ALDH18A1: variants seen among roughly 807,000 people sequenced by gnomAD.
The protein encoded by ALDH18A1 is delta-1-pyrroline-5-carboxylate synthase.
Under a neutral mutation model 88.8 loss-of-function variants are expected in ALDH18A1, and 44 were observed. The ratio of observed to expected loss-of-function variants is 0.50; its 90% CI spans 0.39 to 0.64. The LOEUF is 0.64. Among genes scored for constraint, ALDH18A1 ranks in the 30% least tolerant of loss-of-function variants. The pLI is 0.00. For synonymous variants in ALDH18A1, 331 were observed against 372.1 expected (o/e 0.89, Z 1.27); for missense variants, 782 against 1,009.5 (o/e 0.77, Z 3.05).
At position 95,646,400 on chromosome 10, in the gene ALDH18A1, G is replaced by C. The variant is rs571424665; in HGVS notation, c.89-3194C>G. 9.2e-4 allele frequency among the ~76,000 whole-genome samples: 140 copies of C among 152,270 alleles called. 1 individual carries two copies. The highest frequency in any genetic ancestry group is 3.2e-3 in the African/African-American group (132 of 41,540). On this transcript the variant is annotated intron_variant, in intron 2 of 17. Transcript: ENST00000371224. Reference sequence around the variant, plus strand: ...AGGTAGTCAAGGGTCATTCTGGCTGGAGACAATAGGGTAACAGCAGTAGAT... The same window carrying C: ...AGGTAGTCAAGGGTCATTCTGGCTGCAGACAATAGGGTAACAGCAGTAGAT...
chr10:95,616,343 C>T (rs2097844115), intron 13 of ALDH18A1, 134 bp downstream of exon 13: 3 of 1,284,228 alleles, frequency 2.3e-6, no homozygotes, highest in Admixed American at 4.1e-5. Flanking sequence ...AGTCTGAAGG[C>T]TCACAGGCCT....
chr10:95,632,863 C>T, intron 7 of ALDH18A1, 96 bp downstream of exon 7: 3 of 1,077,518 alleles, frequency 2.8e-6, no homozygotes, highest in Non-Finnish European at 4.2e-6. Flanking sequence ...AGCAAAAAAA[C>T]ATCAGAGGGA....
chr10:95,616,393 T>C (rs752414719), intron 13 of ALDH18A1, 84 bp downstream of exon 13: 19 of 1,525,876 alleles, frequency 1.2e-5, no homozygotes, highest in Non-Finnish European at 1.7e-5. Flanking sequence ...GTCTTGGCTC[T>C]GTGTGGCCTA....
intron 15 of ALDH18A1, among the ~76,000 whole-genome samples, chr10:95,612,287 A>T (rs1457935414): frequency 2.0e-5 from 3 of 152,210 alleles, no homozygotes; most frequent in African/African-American, 7.2e-5. Flanking sequence ...GGTTCAGCTC[A>T]GCCCCAGGCT....
chr10:95,653,345 C>G lies in ALDH18A1; in HGVS notation c.33G>C (p.Gln11His), dbSNP rs2097913334. ...AGGGCAGAAGATGTTGGTTGAAGGG[C>G]TGGAACCCACAGCGGTAAACTTGAC... is the stretch of plus-strand genomic sequence containing the variant. Reference protein sequence around the residue: MLSQVYRCGFQPFNQHLLPWV... With the variant: MLSQVYRCGFHPFNQHLLPWV... The change falls in exon 2 of 18, where the codon CAG becomes CAC. Residue 11 changes from glutamine to histidine, a missense_variant. Transcript: ENST00000371224. The G allele has an allele frequency of 3.1e-6, 5 of 1,612,984 alleles. No homozygotes were observed. The highest frequency in any genetic ancestry group is 3.4e-6 in the Non-Finnish European group (4 of 1,179,878).
At chr10:95,619,933 C>A (rs1310943559) in intron 12 of ALDH18A1, among the ~76,000 whole-genome samples, 1 of 152,138 alleles carries the variant, frequency 6.6e-6, no homozygotes, top group Non-Finnish European at 1.5e-5. Context: ...CCAAAATAGA[C>A]AAATGGGATC....
At chr10:95,654,469 A>T (rs964233286) in intron 1 of ALDH18A1, among the ~76,000 whole-genome samples, 1 of 152,100 alleles carries the variant, frequency 6.6e-6, no homozygotes, top group Non-Finnish European at 1.5e-5. Context: ...TATTTTCACA[A>T]GGTAAGAAAA....
chr10:95,614,725 G>A (rs1382804198), intron 13 of ALDH18A1, among the ~76,000 whole-genome samples: 1 of 152,020 alleles, frequency 6.6e-6, no homozygotes, highest in Non-Finnish European at 1.5e-5. Flanking sequence ...TGAGATTATG[G>A]GCATTTTGTT....
intron 2 of ALDH18A1, among the ~76,000 whole-genome samples, chr10:95,645,392 T>C (rs1248756960): frequency 6.6e-6 from 1 of 152,248 alleles, no homozygotes; most frequent in African/African-American, 2.4e-5. Context: ...CTTCCCTTTA[T>C]ATTGTCTGTC....
At position 95,643,155 on chromosome 10, in the gene ALDH18A1, G is replaced by C; in HGVS notation, c.140C>G (p.Pro47Arg). 6.2e-7 allele frequency: 1 copy of C among 1,614,194 alleles called. No individual in the cohort carries two copies. Among genetic ancestry groups the C allele is most frequent in the Non-Finnish European group, 8.5e-7 (1 of 1,180,042 alleles). The change falls in exon 3 of 18, where the codon CCG (proline) becomes CGG (arginine). Residue 47 changes from proline (P) to arginine (R), a missense_variant. Coordinates refer to ENST00000371224, the MANE Select transcript of ALDH18A1 (RefSeq NM_002860.4). The stretch of plus-strand genomic sequence containing the variant: ...ACGACTGAGGGGTACAGTGATAAAC[G>C]GGATGTTGCTCCAAGAACGAACATG... Reference protein sequence around the residue: ...IRHVRSWSNIPFITVPLSRTH... With the variant: ...IRHVRSWSNIRFITVPLSRTH...
Position 95,633,062 on chromosome 10 carries a change from T to A in ALDH18A1, c.718-13A>T, listed in dbSNP as rs772341714. 9.3e-6 allele frequency: 15 copies of A among 1,608,614 alleles called. No homozygotes were observed. The South Asian group carries it at 1.6e-4, about 18-fold the overall frequency. On this transcript the variant is annotated splice_polypyrimidine_tract_variant and intron_variant, in intron 6 of 17. Transcript: ENST00000371224. ...TAACACTAATAACCTAGAATGCAGA[T>A]TAAAAAGTCATAAGTGAGTGAGCTA...
intron 2 of ALDH18A1, among the ~76,000 whole-genome samples, chr10:95,646,542 T>C (rs1331610726): frequency 1.3e-5 from 2 of 152,044 alleles, no homozygotes; most frequent in Non-Finnish European, 2.9e-5. Context: ...TCAGGGCTTG[T>C]TGGGTTTCCT....
rs1354175785 is a variant in ALDH18A1, at chr10:95,625,513, CCA to C, written c.1153-60_1153-59del. The stretch of plus-strand genomic sequence containing the variant: ...GATGTTAATCCAAGAAGAATGCACA[CCA>C]CAGTTTTTAAACCTACTCTTCTGAG... On this transcript the variant is annotated intron_variant, in intron 10 of 17. Coordinates refer to ENST00000371224, the MANE Select transcript of ALDH18A1 (RefSeq NM_002860.4). 4.8e-6 allele frequency: 7 copies of C among 1,451,504 alleles called. No homozygotes were observed. The East Asian group carries it at 9.1e-5, about 19-fold the overall frequency. The allele number at this position is 1,451,504 out of a possible 1,614,324, so 89.9% of individuals were successfully genotyped here. A position where few individuals can be genotyped will look rare whatever the true frequency, so the allele number is the denominator to read the frequency against.
At chr10:95,629,338 C>A (rs1437241661) in intron 7 of ALDH18A1, among the ~76,000 whole-genome samples, 1 of 152,110 alleles carries the variant, frequency 6.6e-6, no homozygotes, top group Non-Finnish European at 1.5e-5. Flanking sequence ...ACTGCTTTTC[C>A]TGTGCTATAA....
rs1445597276 is a variant in ALDH18A1 at position 95,628,384 on chromosome 10, C to A, written c.917G>T (p.Gly306Val). ...GATTCTTACCTTGGCTTCCATGCCA[C>A]CCATTCCCACTCTAGACTTGGTTCC... is the stretch of plus-strand genomic sequence containing the variant. ...TFGTKSRVGM[G>V]GMEAKVKAAL... The change falls in exon 8 of 18, where the codon GGT becomes GTT. Residue 306 changes from glycine to valine, a missense_variant. Physicochemically the swap from Gly to Val is moderately radical, Grantham distance 109 (BLOSUM62 -3). This residue lies in a region of ALDH18A1 where 556 missense variants were observed against 654.5 expected (regional missense o/e 0.85). Transcript: ENST00000371224. 21 of 1,614,046 alleles carry A rather than the reference C, an allele frequency of 1.3e-5. No homozygotes were observed. The highest frequency in any genetic ancestry group is 1.7e-5 in the Non-Finnish European group (20 of 1,180,006).
At chr10:95,640,900 ACTCACCTAGT>A (rs2097890117) in intron 3 of ALDH18A1, among the ~76,000 whole-genome samples, 1 of 152,082 alleles carries the variant, frequency 6.6e-6, no homozygotes, top group African/African-American at 2.4e-5. Context: ...CTGAACTCCA[ACTCACCTAGT>A]TGGCTTCAGA....
chr10:95,656,261 G>A (rs1376894685), intron 1 of ALDH18A1, among the ~76,000 whole-genome samples: 2 of 152,236 alleles, frequency 1.3e-5, no homozygotes, highest in Admixed American at 1.3e-4. Context: ...GCGGATGCCT[G>A]AAGTCTCCAC....
intron 2 of ALDH18A1, among the ~76,000 whole-genome samples, chr10:95,650,227 T>C (rs1333199106): frequency 2.0e-5 from 3 of 152,192 alleles, no homozygotes; most frequent in Non-Finnish European, 2.9e-5. Context: ...AGCTGATAAA[T>C]TTGACGTCAT....
Position 95,614,113 on chromosome 10 carries a change from T to C in ALDH18A1, c.1654A>G (p.Ile552Val). The C allele has an allele frequency of 6.2e-7, 1 of 1,614,226 alleles. No individual in the cohort carries two copies. The highest frequency in any genetic ancestry group is 8.5e-7 in the Non-Finnish European group (1 of 1,180,038). ...VEDLCRLDKM[I>V]DLIIPRGSSQ... is the part of the protein sequence containing the mutation. ...GAGCCACGTGGAATGATCAGATCTA[T>C]CATTTTGTCTAGGCGGCAAAGATCT... The change falls in exon 14 of 18, where the codon ATA becomes GTA. Residue 552 changes from isoleucine to valine, a missense_variant. Ile to Val is a conservative substitution (Grantham distance 29, BLOSUM62 3). Around this residue, in one of 3 missense-constraint regions of ALDH18A1, gnomAD observed 556 missense variants for 654.5 expected, o/e 0.85. Coordinates refer to ENST00000371224, the MANE Select transcript of ALDH18A1 (RefSeq NM_002860.4).
Sources: gnomAD v4.1 joint callset for allele counts (sites outside exome capture counted in the v4.1 genomes callset) on GRCh38, gnomAD v4.1.1 for gene constraint, gnomAD v4.1.1 regional missense constraint, MANE v1.5 for transcripts, NCBI Gene and HGNC (gene_info 2026-07-23, HGNC 2026-07-21) for gene names.